Variants in USP34 observed in about 807,000 individuals in gnomAD.
USP34 encodes ubiquitin carboxyl-terminal hydrolase 34.
In USP34, 70 loss-of-function variants were observed where a neutral mutation model predicts 460.3. That is an observed-to-expected ratio of 0.15 (90% CI 0.13 to 0.19). The LOEUF is 0.19. Ranked by LOEUF, USP34 falls within the 10% of genes least tolerant of loss-of-function variation. The pLI is 1.00. For missense variants in USP34, 3,985 were observed against 4,236.2 expected (o/e 0.94, Z 1.65); for synonymous variants, 1,647 against 1,405.3 (o/e 1.17, Z -3.85).
chr2:61,299,696 G>T (rs1289955826), intron 29 of USP34, among the ~76,000 whole-genome samples: 1 of 152,066 alleles, frequency 6.6e-6, no homozygotes, highest in East Asian at 1.9e-4. Flanking sequence ...GGCTACAACT[G>T]AGCTACGATC....
intron 23 of USP34, 69 bp from the exon 24 acceptor site, chr2:61,315,043 A>G: frequency 8.3e-7 from 1 of 1,200,308 alleles, no homozygotes; most frequent in Non-Finnish European, 1.2e-6. Context: ...AGACTGAAGT[A>G]TCAAAAGTAA....
At position 61,294,541 on chromosome 2, in the gene USP34, C is replaced by G. The variant is rs546103446; in HGVS notation, c.4461+408G>C. ...TCAAGTGATTCTCCTGCCTCAGCCA[C>G]CTGGGTAGCTGGGATTATGGGCAGC... On this transcript the variant is annotated intron_variant, in intron 32 of 79. Transcript: ENST00000398571. 5.3e-5 allele frequency among the ~76,000 whole-genome samples: 8 copies of G among 152,158 alleles called. No homozygotes were observed. In the South Asian group the frequency reaches 1.5e-3, roughly 28 times the overall value.
intron 20 of USP34, among the ~76,000 whole-genome samples, chr2:61,328,319 T>TG (rs1362432095): frequency 7.0e-6 from 1 of 143,616 alleles, no homozygotes; most frequent in Non-Finnish European, 1.5e-5. Flanking sequence ...AAAAATAAAG[T>TG]GAAAAAAAAA....
At chr2:61,236,516 T>G in intron 53 of USP34, 127 bp from the exon 54 acceptor site, 1 of 676,770 alleles carries the variant, frequency 1.5e-6, no homozygotes. Flanking sequence ...GCACTTTAAG[T>G]TCATTTTGAT....
chr2:61,272,233 A>T (rs1689237006), intron 41 of USP34, among the ~76,000 whole-genome samples: 1 of 152,012 alleles, frequency 6.6e-6, no homozygotes, highest in Admixed American at 6.6e-5. Context: ...AACATGGTGA[A>T]ACCCTGTCTC....
intron 75 of USP34, chr2:61,193,391 T>TAAA (rs1686698430): frequency 4.6e-5 from 4 of 86,836 alleles, no homozygotes; most frequent in Non-Finnish European, 9.7e-5. Flanking sequence ...AAAAAAAAAG[T>TAAA]GGAGAATTAA....
intron 20 of USP34, among the ~76,000 whole-genome samples, chr2:61,327,613 T>C (rs1273757303): frequency 6.6e-6 from 1 of 152,230 alleles, no homozygotes; most frequent in African/African-American, 2.4e-5. Flanking sequence ...CCTTTACATC[T>C]GAAATAATTC....
intron 51 of USP34, among the ~76,000 whole-genome samples, chr2:61,243,529 T>C (rs955521024): frequency 6.6e-6 from 1 of 151,080 alleles, no homozygotes; most frequent in Non-Finnish European, 1.5e-5. Flanking sequence ...AACTACTTTT[T>C]AAGAGAAGAG....
chr2:61,264,776 G>A (rs1204396880), intron 43 of USP34, among the ~76,000 whole-genome samples: 2 of 152,026 alleles, frequency 1.3e-5, no homozygotes, highest in East Asian at 3.9e-4. Context: ...GTAATCCCAG[G>A]ACTTTGGGAA....
At chr2:61,210,130 A>T (rs1195945236) in intron 69 of USP34, among the ~76,000 whole-genome samples, 1 of 150,264 alleles carries the variant, frequency 6.7e-6, no homozygotes, top group Non-Finnish European at 1.5e-5. Flanking sequence ...ATTTTAAAAT[A>T]AATTTAGTGT....
intron 51 of USP34, among the ~76,000 whole-genome samples, chr2:61,244,200 T>C (rs987410680): frequency 6.6e-6 from 1 of 152,250 alleles, no homozygotes; most frequent in African/African-American, 2.4e-5. Flanking sequence ...CGGAAATGAC[T>C]AATATTTGTC....
At chr2:61,459,163 C>T (rs910263673) in intron 1 of USP34, among the ~76,000 whole-genome samples, 1 of 152,148 alleles carries the variant, frequency 6.6e-6, no homozygotes, top group African/African-American at 2.4e-5. Flanking sequence ...CCAACTTCCA[C>T]AGTCAGGGTC....
At position 61,227,745 on chromosome 2, in the gene USP34, A is replaced by C. The variant is rs1026366361; in HGVS notation, c.7444-527T>G. On this transcript the variant is annotated intron_variant, in intron 61 of 79. Coordinates refer to ENST00000398571, the MANE Select transcript of USP34 (RefSeq NM_014709.4). The stretch of plus-strand genomic sequence containing the variant: ...CAAACAAACAAACAAACAAAAAAAA[A>C]ACAAAAAACCTCAACACTGACTACT... 1.3e-3 allele frequency among the ~76,000 whole-genome samples: 191 copies of C among 152,022 alleles called. 1 individual carries two copies. The highest frequency in any genetic ancestry group is 4.2e-3 in the African/African-American group (173 of 41,468).
At chr2:61,463,504 G>A (rs1310020951) in intron 1 of USP34, among the ~76,000 whole-genome samples, 2 of 152,074 alleles carry the variant, frequency 1.3e-5, no homozygotes, top group Non-Finnish European at 2.9e-5. Flanking sequence ...TGGTGATTCA[G>A]ATAGATCATC....
intron 5 of USP34, among the ~76,000 whole-genome samples, chr2:61,393,786 A>C (rs1572997678): frequency 6.6e-6 from 1 of 152,186 alleles, no homozygotes; most frequent in Non-Finnish European, 1.5e-5. Flanking sequence ...AATTTTTTAA[A>C]TTATGACCAG....
chr2:61,364,041 A>T (rs965181724), intron 10 of USP34, among the ~76,000 whole-genome samples: 1 of 152,206 alleles, frequency 6.6e-6, no homozygotes, highest in Admixed American at 6.5e-5. Context: ...CACTTATAGA[A>T]GGTACCTAGA....
chr2:61,459,524 T>C (rs1695538380), intron 1 of USP34, among the ~76,000 whole-genome samples: 1 of 152,092 alleles, frequency 6.6e-6, no homozygotes, highest in Non-Finnish European at 1.5e-5. Flanking sequence ...CCCATAATCC[T>C]AGCAGTTTGG....
rs182990839 is a variant in USP34 at position 61,342,011 on chromosome 2, T to A, written c.2500+1804A>T. ...ATGCTGACCTCAGATGATCCACCTG[T>A]CTCGGCCTCCCAAAGTTCTGGGATT... On this transcript the variant is annotated intron_variant, in intron 16 of 79. Coordinates refer to ENST00000398571, the MANE Select transcript of USP34 (RefSeq NM_014709.4). Among the ~76,000 whole-genome samples the A allele has an allele frequency of 2.7e-4, 41 of 152,072 alleles. No individual in the cohort carries two copies. In the East Asian group the frequency reaches 6.6e-3, roughly 24 times the overall value.
intron 10 of USP34, among the ~76,000 whole-genome samples, chr2:61,367,893 C>T (rs561041717): frequency 2.6e-5 from 4 of 151,938 alleles, no homozygotes; most frequent in African/African-American, 4.8e-5. Flanking sequence ...TGCTAAAATT[C>T]GTATGAAGAA....
Sources: gnomAD v4.1 joint callset for allele counts (sites outside exome capture counted in the v4.1 genomes callset) on GRCh38, gnomAD v4.1.1 for gene constraint, MANE v1.5 for transcripts, NCBI Gene and HGNC (gene_info 2026-07-23, HGNC 2026-07-21) for gene names.